MCTP1: variants seen among roughly 807,000 people sequenced by gnomAD.
The protein encoded by MCTP1 is multiple C2 and transmembrane domain containing 1, also known as multiple C2 and transmembrane domain-containing protein 1.
In MCTP1, 69 loss-of-function variants were observed where a neutral mutation model predicts 120.6. That is an observed-to-expected ratio of 0.57 (90% CI 0.47 to 0.70). The LOEUF (loss-of-function observed/expected upper bound fraction) is 0.70, where lower values mean the gene tolerates loss of function less well. MCTP1 is among the 30% of genes least tolerant of loss of function. MCTP1 has a pLI of 0.00. For synonymous variants in MCTP1, 529 were observed against 493.1 expected (o/e 1.07, Z -0.96); for missense variants, 1,203 against 1,248.8 (o/e 0.96, Z 0.55).
chr5:94,906,037 G>A (rs1806808268), intron 10 of MCTP1, among the ~76,000 whole-genome samples: 1 of 152,184 alleles, frequency 6.6e-6, no homozygotes, highest in South Asian at 2.1e-4. Flanking sequence ...TAAGGAAGGG[G>A]TCAGCTAAAT....
chr5:94,728,898 A>G (rs1370408355), intron 19 of MCTP1, among the ~76,000 whole-genome samples: 3 of 152,188 alleles, frequency 2.0e-5, no homozygotes, highest in East Asian at 3.8e-4. Flanking sequence ...CATTTACTCA[A>G]TAAATATTTA....
At chr5:94,711,018 A>T in intron 20 of MCTP1, 91 bp from the exon 21 acceptor site, 1 of 860,862 alleles carries the variant, frequency 1.2e-6, no homozygotes, top group Non-Finnish European at 1.9e-6. Flanking sequence ...GGACCTAGTT[A>T]GTCTGCATTT....
chr5:95,159,154 C>G (rs1001997608), intron 1 of MCTP1, among the ~76,000 whole-genome samples: 4 of 152,144 alleles, frequency 2.6e-5, no homozygotes, highest in African/African-American at 9.7e-5. Context: ...GGGTTGTCAA[C>G]TCTATCTATA....
chr5:94,743,327 AAG>A (rs540812624), intron 19 of MCTP1, among the ~76,000 whole-genome samples: 3 of 151,904 alleles, frequency 2.0e-5, no homozygotes, highest in East Asian at 3.9e-4. Context: ...AAAAAAAAAA[AAG>A]AGAGTCTATG....
At chr5:94,945,347 A>G (rs1818670285) in intron 3 of MCTP1, among the ~76,000 whole-genome samples, 2 of 152,216 alleles carry the variant, frequency 1.3e-5, no homozygotes, top group Admixed American at 1.3e-4. Context: ...CTAAAAATCC[A>G]TTGGGAAGTG....
chr5:94,833,297 C>T (rs1247136111), intron 17 of MCTP1, among the ~76,000 whole-genome samples: 4 of 152,058 alleles, frequency 2.6e-5, no homozygotes. Context: ...AAAATAAAGG[C>T]AATGTCAACA....
In MCTP1 at chr5:94,808,909, C is replaced by T. The variant is rs146206241; in HGVS notation, c.2437-9777G>A. Among the ~76,000 whole-genome samples the T allele has an allele frequency of 3.0e-3, 453 of 152,140 alleles. 4 individuals are homozygous for T. Among genetic ancestry groups the T allele is most frequent in the South Asian group, 8.3e-3 (40 of 4,822 alleles). ...TGAACAAATATACATCAGAAAGTTCCAATTCTTTATATTGTGAAAATGTAT... is the reference window on the plus strand; with the variant it reads ...TGAACAAATATACATCAGAAAGTTCTAATTCTTTATATTGTGAAAATGTAT... On this transcript the variant is annotated intron_variant, in intron 17 of 22. Coordinates refer to ENST00000515393, the MANE Select transcript of MCTP1 (RefSeq NM_024717.7).
chr5:94,961,128 T>C (rs953119821), intron 2 of MCTP1, among the ~76,000 whole-genome samples: 2 of 152,072 alleles, frequency 1.3e-5, no homozygotes, highest in African/African-American at 2.4e-5. Flanking sequence ...TGTAGGGACA[T>C]GGAAGAAGCT....
chr5:95,152,990 C>T (rs986489095), intron 1 of MCTP1, among the ~76,000 whole-genome samples: 7 of 152,178 alleles, frequency 4.6e-5, no homozygotes, highest in Non-Finnish European at 8.8e-5. Context: ...ACCATCACTT[C>T]CATTGACCAG....
rs1173065335 is a variant in MCTP1, at chr5:94,871,381, T to C, written c.2073A>G (p.Thr691=). 1 of 1,612,394 alleles carries C rather than the reference T, an allele frequency of 6.2e-7. No individual in the cohort carries two copies. The highest frequency in any genetic ancestry group is 1.1e-5 in the South Asian group (1 of 91,048). The change falls in exon 14 of 23, where the codon ACA becomes ACG. Residue 691 remains threonine (T), a synonymous_variant. Transcript: ENST00000515393. ...IKDIHSVLEV[T]VYDEDRDRSA... ...TTCGATCCCGATCTTCATCATAAAC[T>C]GTCACTTCAAGAACTGAATGGATAT...
At chr5:95,204,609 C>A (rs1751422311) in intron 1 of MCTP1, among the ~76,000 whole-genome samples, 1 of 152,040 alleles carries the variant, frequency 6.6e-6, no homozygotes, top group Non-Finnish European at 1.5e-5. Flanking sequence ...ATGACATGGT[C>A]TTGAATATAG....
At chr5:94,854,809 A>AT (rs992382900) in intron 17 of MCTP1, among the ~76,000 whole-genome samples, 1 of 151,874 alleles carries the variant, frequency 6.6e-6, no homozygotes, top group African/African-American at 2.4e-5. Context: ...CATAGGATTT[A>AT]TTTTTTAATT....
intron 1 of MCTP1, among the ~76,000 whole-genome samples, chr5:95,135,023 A>T (rs1759337746): frequency 7.0e-6 from 1 of 142,288 alleles, no homozygotes; most frequent in Non-Finnish European, 1.5e-5. Context: ...AAAAAAAAAA[A>T]AAAAAATTCC....
chr5:95,018,246 A>G (rs913000753), intron 1 of MCTP1, among the ~76,000 whole-genome samples: 4 of 152,088 alleles, frequency 2.6e-5, no homozygotes, highest in Non-Finnish European at 4.4e-5. Context: ...TCTTGAGGTC[A>G]TATTTTGTAG....
At chr5:94,928,474 C>G (rs1813730562) in intron 6 of MCTP1, among the ~76,000 whole-genome samples, 1 of 152,150 alleles carries the variant, frequency 6.6e-6, no homozygotes, top group African/African-American at 2.4e-5. Context: ...TACCATTTCT[C>G]TGCTAAAACA....
intron 1 of MCTP1, among the ~76,000 whole-genome samples, chr5:95,173,818 A>G (rs1312046809): frequency 6.6e-6 from 1 of 151,912 alleles, no homozygotes; most frequent in Non-Finnish European, 1.5e-5. Flanking sequence ...TATGAAGGGA[A>G]TGGAGAATAC....
intron 20 of MCTP1, among the ~76,000 whole-genome samples, chr5:94,712,419 G>GT (rs11320054): frequency 1.4e-3 from 205 of 149,196 alleles, no homozygotes; most frequent in Non-Finnish European, 1.3e-3. Context: ...CTTGAGGTGA[G>GT]TTTTTTTTTT....
intron 18 of MCTP1, chr5:94,791,714 A>G (rs1779011465): frequency 6.6e-6 from 1 of 152,268 alleles, no homozygotes; most frequent in Non-Finnish European, 1.5e-5. Context: ...TATTTTAAAG[A>G]AAACAGTAGA....
intron 1 of MCTP1, among the ~76,000 whole-genome samples, chr5:95,179,850 G>A (rs562713519): frequency 4.6e-5 from 7 of 152,144 alleles, no homozygotes; most frequent in Non-Finnish European, 7.4e-5. Flanking sequence ...AATACAGAAT[G>A]GCAAATGGAT....
Sources: allele counts gnomAD v4.1 joint callset (sites outside exome capture counted in the v4.1 genomes callset), GRCh38; gene constraint gnomAD v4.1.1; transcripts MANE v1.5; gene names NCBI Gene and HGNC (gene_info 2026-07-23, HGNC 2026-07-21).